DCDC1: variants seen among roughly 807,000 people sequenced by gnomAD.
DCDC1 encodes the protein doublecortin domain containing 1.
DCDC1 carries 200 observed loss-of-function variants against 178.3 expected under a neutral mutation model. The observed-to-expected ratio is 1.12, with a 90% confidence interval of 1.00 to 1.26. DCDC1 has a LOEUF of 1.26. Ranked by LOEUF, DCDC1 falls within the 50% of genes most tolerant of loss-of-function variation. DCDC1 has a pLI of 0.00. For missense variants in DCDC1, 1,983 were observed against 1,749.2 expected (o/e 1.13, Z -2.38); for synonymous variants, 690 against 604.8 (o/e 1.14, Z -2.07).
At chr11:31,323,969 A>C (rs1949514193) in intron 3 of DCDC1, among the ~76,000 whole-genome samples, 1 of 152,144 alleles carries the variant, frequency 6.6e-6, no homozygotes, top group Admixed American at 6.5e-5. Flanking sequence ...AATGAGTAAT[A>C]AAAGTAAAAA....
chr11:31,332,177 A>G (rs1011871442), intron 2 of DCDC1, among the ~76,000 whole-genome samples: 5 of 152,174 alleles, frequency 3.3e-5, no homozygotes, highest in African/African-American at 1.2e-4. Context: ...AGAGATGTTT[A>G]TAGTATTCTC....
chr11:31,102,126 G>A (rs927550184), intron 15 of DCDC1, 51 bp downstream of exon 15: 13 of 573,134 alleles, frequency 2.3e-5, no homozygotes, highest in African/African-American at 1.9e-4. Context: ...TATTGGTTGA[G>A]TGTCCAATAC....
intron 20 of DCDC1, among the ~76,000 whole-genome samples, chr11:31,021,129 G>A (rs1952849794): frequency 6.6e-6 from 1 of 152,302 alleles, no homozygotes; most frequent in East Asian, 1.9e-4. Flanking sequence ...CATGTTGCTG[G>A]TGAAGGTGTA....
chr11:31,298,215 C>T (rs1160374569), intron 6 of DCDC1, among the ~76,000 whole-genome samples: 1 of 152,284 alleles, frequency 6.6e-6, no homozygotes, highest in South Asian at 2.1e-4. Context: ...TGAATCACTA[C>T]CTTGTTGATA....
intron 20 of DCDC1, among the ~76,000 whole-genome samples, chr11:31,057,265 A>AAGGGAGGGAGGG (rs566614815): frequency 1.6e-5 from 2 of 128,224 alleles, no homozygotes; most frequent in African/African-American, 6.0e-5. Context: ...GGAAGGAAGG[A>AAGGGAGGGAGGG]AGGGAGGGAG....
intron 38 of DCDC1, among the ~76,000 whole-genome samples, chr11:30,868,475 T>G (rs541645264): frequency 1.3e-5 from 2 of 152,102 alleles, no homozygotes; most frequent in South Asian, 2.1e-4. Flanking sequence ...GGTCTTGAAC[T>G]CCTGACCTCA....
At chr11:31,281,692 C>T (rs972291873) in intron 7 of DCDC1, among the ~76,000 whole-genome samples, 1 of 152,038 alleles carries the variant, frequency 6.6e-6, no homozygotes, top group Admixed American at 6.6e-5. Flanking sequence ...CAGTTTCACC[C>T]ATACTGTTCT....
intron 9 of DCDC1, among the ~76,000 whole-genome samples, chr11:31,200,975 C>A (rs1042639420): frequency 2.0e-5 from 3 of 151,748 alleles, no homozygotes; most frequent in South Asian, 2.1e-4. Flanking sequence ...TCTTCTAGCC[C>A]CCAAATCTTC....
At position 30,863,621 on chromosome 11, in the gene DCDC1, GTTTA is replaced by G. The variant is rs1485119874; in HGVS notation, c.*1748_*1751del. 1 of 152,138 alleles carries G rather than the reference GTTTA, an allele frequency of 6.6e-6. No individual in the cohort carries two copies. Among genetic ancestry groups the G allele is most frequent in the Non-Finnish European group, 1.5e-5 (1 of 68,018 alleles). 9.4% of individuals were successfully genotyped at this position (152,138 alleles called of 1,614,324 possible). A position where few individuals can be genotyped will look rare whatever the true frequency, so the allele number is the denominator to read the frequency against. ...CCACACATGCTAATAAATCTACATG[GTTTA>G]TTGTTTTTGAATAAAACAAAATAAG... On this transcript the variant is annotated 3_prime_UTR_variant, in exon 39 of 39. Transcript: ENST00000684477.
At chr11:30,939,615 T>C (rs1207745767) in intron 21 of DCDC1, among the ~76,000 whole-genome samples, 3 of 152,166 alleles carry the variant, frequency 2.0e-5, no homozygotes, top group Non-Finnish European at 2.9e-5. Context: ...TGTAAGGTTA[T>C]AAACCGTCCC....
chr11:31,257,470 T>A (rs540679581), intron 8 of DCDC1, among the ~76,000 whole-genome samples: 18 of 152,166 alleles, frequency 1.2e-4, no homozygotes, highest in Non-Finnish European at 2.2e-4. Context: ...ATACAGAAAC[T>A]ATTTGAAGAA....
intron 20 of DCDC1, chr11:30,992,709 C>G (rs917515465): frequency 3.9e-5 from 6 of 152,120 alleles, no homozygotes; most frequent in Admixed American, 2.0e-4. Context: ...AAATTTTCAA[C>G]CACTATGTAA....
intron 1 of DCDC1, among the ~76,000 whole-genome samples, chr11:31,367,609 T>A (rs543182866): frequency 2.0e-5 from 3 of 152,346 alleles, no homozygotes; most frequent in East Asian, 3.9e-4. Context: ...TAGCCACTAG[T>A]CACATGTGGC....
At chr11:30,913,276 C>T (rs1307258869) in intron 27 of DCDC1, among the ~76,000 whole-genome samples, 4 of 151,988 alleles carry the variant, frequency 2.6e-5, no homozygotes, top group Middle Eastern at 3.4e-3. Flanking sequence ...GGCGTGGTGG[C>T]GGGTGCCTGT....
In DCDC1 at chr11:31,222,987, C is replaced by T. The variant is rs191364061; in HGVS notation, c.1221+18463G>A. Among the ~76,000 whole-genome samples, 844 of 152,008 alleles carry T rather than the reference C, an allele frequency of 5.6e-3. 3 individuals are homozygous for T. Among genetic ancestry groups the T allele is most frequent in the Admixed American group, 9.3e-3 (142 of 15,248 alleles). On this transcript the variant is annotated intron_variant, in intron 9 of 38. Coordinates refer to ENST00000684477, the MANE Select transcript of DCDC1 (RefSeq NM_001387274.1). ...GTTTAACCTTGAAAGTAATATAATT[C>T]GTGCTAATAAAAACAATAAACTATG...
intron 20 of DCDC1, among the ~76,000 whole-genome samples, chr11:31,036,740 A>G (rs1485569190): frequency 6.6e-6 from 1 of 152,204 alleles, no homozygotes; most frequent in Non-Finnish European, 1.5e-5. Flanking sequence ...GGTTGGTTAA[A>G]CCCACTGATG....
chr11:31,355,666 C>A (rs1951304963), intron 1 of DCDC1, among the ~76,000 whole-genome samples: 1 of 152,098 alleles, frequency 6.6e-6, no homozygotes, highest in Admixed American at 6.5e-5. Flanking sequence ...CTCCCAGGTT[C>A]AAGCGATTCT....
chr11:31,245,422 T>A lies in DCDC1; in HGVS notation c.1055-3806A>T, dbSNP rs554465628. ...AGAACATAACTACAACTATCCATGATCATTTAGAACCTGTAACTTTCTATA... is the reference window on the plus strand; with the variant it reads ...AGAACATAACTACAACTATCCATGAACATTTAGAACCTGTAACTTTCTATA... On this transcript the variant is annotated intron_variant, in intron 8 of 38. Coordinates refer to ENST00000684477, the MANE Select transcript of DCDC1 (RefSeq NM_001387274.1). Among the ~76,000 whole-genome samples, 11 of 151,912 alleles carry A rather than the reference T, an allele frequency of 7.2e-5. No homozygotes were observed. In the East Asian group the frequency reaches 1.9e-3, roughly 27 times the overall value.
intron 17 of DCDC1, among the ~76,000 whole-genome samples, chr11:31,081,185 A>ATATTC (rs1329518840): frequency 1.3e-5 from 2 of 152,236 alleles, no homozygotes; most frequent in Non-Finnish European, 2.9e-5. Context: ...AAGTGTCAGA[A>ATATTC]TGTTACTACC....
Sources: allele counts gnomAD v4.1 joint callset (sites outside exome capture counted in the v4.1 genomes callset), GRCh38; gene constraint gnomAD v4.1.1; transcripts MANE v1.5; gene names NCBI Gene and HGNC (gene_info 2026-07-23, HGNC 2026-07-21).